The following CCDC66 variants were observed in gnomAD, a reference collection of about 807,000 sequenced individuals.
CCDC66 encodes coiled-coil domain-containing protein 66.
Under a neutral mutation model 128.3 loss-of-function variants are expected in CCDC66, and 133 were observed. The observed-to-expected ratio is 1.04, with a 90% CI of 0.90 to 1.20. The LOEUF is 1.20. Among genes scored for constraint, CCDC66 ranks in the 50% most tolerant of loss-of-function variants. CCDC66 has a pLI of 0.00. For synonymous variants in CCDC66, 387 were observed against 357.0 expected, an observed-to-expected ratio of 1.08 and a Z score of -0.95; for missense variants, 1,126 against 1,075.5, an observed-to-expected ratio of 1.05 and a Z score of -0.66.
chr3:56,589,499 T>A (rs2070461587), intron 7 of CCDC66, among the ~76,000 whole-genome samples: 1 of 152,154 alleles, frequency 6.6e-6, no homozygotes, highest in Admixed American at 6.5e-5. Context: ...TAAATCATGA[T>A]GAGTTGGGTC....
At chr3:56,557,399 C>T (rs1356177153) in intron 1 of CCDC66, 146 bp downstream of exon 1, 7 of 1,106,206 alleles carry the variant, frequency 6.3e-6, no homozygotes, top group African/African-American at 1.6e-5. Flanking sequence ...GCCCAGTTCT[C>T]GGGTAGAAGA....
chr3:56,557,823 A>G (rs1411738544), intron 1 of CCDC66: 1 of 153,052 alleles, frequency 6.5e-6, no homozygotes, highest in East Asian at 1.9e-4. Flanking sequence ...TATTTTGAGA[A>G]GATGAGAAGC....
At chr3:56,583,622 T>G (rs1358744538) in intron 7 of CCDC66, among the ~76,000 whole-genome samples, 28 of 151,856 alleles carry the variant, frequency 1.8e-4, no homozygotes, top group Non-Finnish European at 4.4e-5. Flanking sequence ...GGGGGCAAGG[T>G]CATAGATCAA....
chr3:56,577,182 C>T (rs2067518932), intron 7 of CCDC66, among the ~76,000 whole-genome samples: 1 of 151,844 alleles, frequency 6.6e-6, no homozygotes, highest in African/African-American at 2.4e-5. Flanking sequence ...TGATGATGAG[C>T]ATTTTTTTCA....
chr3:56,615,339 T>C (rs765603029), intron 12 of CCDC66, 67 bp downstream of exon 12: 18 of 1,478,284 alleles, frequency 1.2e-5, no homozygotes, highest in Admixed American at 1.2e-4. Context: ...TTCCTTTTTA[T>C]CTTTGTTTGG....
intron 10 of CCDC66, among the ~76,000 whole-genome samples, chr3:56,599,068 C>T (rs1480376551): frequency 6.6e-6 from 1 of 151,874 alleles, no homozygotes; most frequent in Non-Finnish European, 1.5e-5. Context: ...TGTTGGGAGA[C>T]TTTTTTATTA....
intron 4 of CCDC66, 89 bp from the exon 5 acceptor site, chr3:56,566,505 A>G (rs1481601318): frequency 2.5e-5 from 20 of 791,164 alleles, no homozygotes; most frequent in Non-Finnish European, 3.4e-5. Flanking sequence ...AGTAACGTGT[A>G]AGACATGTAA....
At chr3:56,573,778 T>C (rs1259289893) in intron 7 of CCDC66, among the ~76,000 whole-genome samples, 1 of 149,422 alleles carries the variant, frequency 6.7e-6, no homozygotes, top group East Asian at 2.3e-4. Context: ...GTGTGTCTGA[T>C]TTCCCCATCC....
At chr3:56,599,742 G>C (rs549080853) in intron 10 of CCDC66, among the ~76,000 whole-genome samples, 1 of 152,010 alleles carries the variant, frequency 6.6e-6, no homozygotes, top group Non-Finnish European at 1.5e-5. Flanking sequence ...GGTTTGAGAA[G>C]ATACTTGATA....
In CCDC66 at chr3:56,573,734, AGTG is replaced by A. The variant is rs1553672643; in HGVS notation, c.936+2435_936+2437del. ...TTTCTGTTTAGCCCTTAGGCTAAATAGTGGTTAGCCAGGGAGGGAGGAGGTATA... is the reference window on the plus strand; with the variant it reads ...TTTCTGTTTAGCCCTTAGGCTAAATAGTTAGCCAGGGAGGGAGGAGGTATA... On this transcript the variant is annotated intron_variant, in intron 7 of 17. Coordinates refer to ENST00000394672, the MANE Select transcript of CCDC66 (RefSeq NM_001141947.3). Among the ~76,000 whole-genome samples, 905 of 151,366 alleles carry A rather than the reference AGTG, an allele frequency of 6.0e-3. 24 individuals are homozygous for A. In the East Asian group the frequency reaches 0.061, roughly 10 times the overall value.
intron 7 of CCDC66, among the ~76,000 whole-genome samples, chr3:56,578,794 C>T (rs577142890): frequency 2.8e-4 from 43 of 151,968 alleles, no homozygotes; most frequent in African/African-American, 9.9e-4. Flanking sequence ...TTTTGATGTG[C>T]TGCTGGATTC....
intron 7 of CCDC66, among the ~76,000 whole-genome samples, chr3:56,578,042 T>C (rs2067685425): frequency 6.6e-6 from 1 of 151,930 alleles, no homozygotes. Context: ...TGATTCTTCC[T>C]ATCCATGAGT....
Position 56,574,678 on chromosome 3 carries a change from A to G in CCDC66, c.936+3376A>G, listed in dbSNP as rs559532682. ...GACTGACAATAGAACAAATGCTAAC[A>G]AAGTTTTGTTCTACTTATAATTTAA... On this transcript the variant is annotated intron_variant, in intron 7 of 17. Coordinates refer to ENST00000394672, the MANE Select transcript of CCDC66 (RefSeq NM_001141947.3). Among the ~76,000 whole-genome samples the G allele has an allele frequency of 1.8e-3, 274 of 151,944 alleles. 5 individuals are homozygous for G. The highest frequency in any genetic ancestry group is 6.8e-3 in the Middle Eastern group (2 of 294).
At chr3:56,618,579 T>A (rs1283346061) in intron 15 of CCDC66, 1 of 200,324 alleles carries the variant, frequency 5.0e-6, no homozygotes, top group Non-Finnish European at 1.0e-5. Flanking sequence ...ATTCAGTCAG[T>A]TAATGAGAGA....
At chr3:56,593,126 TAAAAG>T (rs772302438) in intron 8 of CCDC66, 25 bp downstream of exon 8, 123 of 1,515,284 alleles carry the variant, frequency 8.1e-5, no homozygotes, top group Non-Finnish European at 1.1e-4. Context: ...TTTGTGGCTA[TAAAAG>T]AAAAAATAAA....
chr3:56,613,202 T>C (rs1242613360), intron 10 of CCDC66, among the ~76,000 whole-genome samples: 1 of 152,196 alleles, frequency 6.6e-6, no homozygotes, highest in African/African-American at 2.4e-5. Flanking sequence ...TGCTTTCATG[T>C]GGTCTCCAGG....
chr3:56,616,871 CTGA>C (rs2075584454), intron 13 of CCDC66: 2 of 379,368 alleles, frequency 5.3e-6, no homozygotes, highest in Non-Finnish European at 4.7e-6. Flanking sequence ...CCCCCAGTGA[CTGA>C]TGATGTTGAG....
chr3:56,559,548 A>C, intron 2 of CCDC66, 21 bp from the exon 3 acceptor site: 1 of 1,501,248 alleles, frequency 6.7e-7, no homozygotes, highest in Non-Finnish European at 9.0e-7. Context: ...ATAGTTTAGT[A>C]ATTTCTTTTT....
chr3:56,620,667 AAG>A (rs764813627), intron 17 of CCDC66: 20 of 152,342 alleles, frequency 1.3e-4, no homozygotes, highest in Non-Finnish European at 2.4e-4. Context: ...CAGGGTTACT[AAG>A]AGTTTTACAT....
Sources: allele counts gnomAD v4.1 joint callset (sites outside exome capture counted in the v4.1 genomes callset), GRCh38; gene constraint gnomAD v4.1.1; transcripts MANE v1.5; gene names NCBI Gene and HGNC (gene_info 2026-07-23, HGNC 2026-07-21).